The following FAF1 variants were observed in gnomAD, a reference collection of about 807,000 sequenced individuals.
The protein encoded by FAF1 is Fas associated factor 1.
A neutral mutation model predicts 92.5 loss-of-function variants in FAF1; 25 were observed. The observed-to-expected ratio is 0.27, with a 90% confidence interval of 0.20 to 0.38. FAF1 has a LOEUF of 0.38. FAF1 is among the 10% of genes least tolerant of loss of function. FAF1 has a pLI of 1.00. For synonymous variants in FAF1, 234 were observed against 273.2 expected (o/e 0.86, Z 1.42); for missense variants, 636 against 793.3 (o/e 0.80, Z 2.38).
chr1:50,635,531 T>C (rs531239772), intron 8 of FAF1, among the ~76,000 whole-genome samples: 23 of 152,228 alleles, frequency 1.5e-4, no homozygotes, highest in African/African-American at 5.5e-4. Context: ...GCTCCAGCAA[T>C]CCTCCCACCT....
intron 13 of FAF1, among the ~76,000 whole-genome samples, chr1:50,559,062 C>T (rs1649734789): frequency 6.6e-6 from 1 of 152,114 alleles, no homozygotes; most frequent in African/African-American, 2.4e-5. Flanking sequence ...ATCAGCCCGA[C>T]CTACAAGGTG....
intron 8 of FAF1, among the ~76,000 whole-genome samples, chr1:50,641,721 C>T (rs1460427057): frequency 6.6e-6 from 1 of 152,158 alleles, no homozygotes; most frequent in East Asian, 1.9e-4. Flanking sequence ...TTGGCCAAAT[C>T]TACATTCTTA....
intron 3 of FAF1, among the ~76,000 whole-genome samples, chr1:50,792,567 T>C (rs1391910667): frequency 2.6e-5 from 4 of 152,336 alleles, no homozygotes; most frequent in Non-Finnish European, 4.4e-5. Context: ...TGAACCTTCC[T>C]AGCATAATGC....
intron 6 of FAF1, among the ~76,000 whole-genome samples, chr1:50,707,702 GAAAGAAAAAAGA>G (rs554094291): frequency 0.012 from 1,773 of 149,762 alleles, 13 homozygotes; most frequent in Non-Finnish European, 0.017. Flanking sequence ...CCAAAAAAAA[GAAAGAAAAAAGA>G]AAAGAAAAAA....
chr1:50,537,167 A>C (rs1648528240), intron 14 of FAF1, among the ~76,000 whole-genome samples: 1 of 152,134 alleles, frequency 6.6e-6, no homozygotes, highest in Non-Finnish European at 1.5e-5. Context: ...TAAGACTCGG[A>C]GCATGGGAAA....
At chr1:50,854,066 A>G (rs1432334006) in intron 2 of FAF1, among the ~76,000 whole-genome samples, 1 of 152,008 alleles carries the variant, frequency 6.6e-6, no homozygotes, top group Admixed American at 6.6e-5. Flanking sequence ...ATAAATTACT[A>G]AGAGGTCTGA....
At chr1:50,805,573 C>A (rs2124598033) in intron 2 of FAF1, among the ~76,000 whole-genome samples, 1 of 152,224 alleles carries the variant, frequency 6.6e-6, no homozygotes, top group Non-Finnish European at 1.5e-5. Flanking sequence ...TGTAACATCA[C>A]ATATGAAAGG....
intron 1 of FAF1, among the ~76,000 whole-genome samples, chr1:50,918,172 TTC>T (rs1207144508): frequency 2.7e-5 from 4 of 150,224 alleles, no homozygotes; most frequent in African/African-American, 7.4e-5. Flanking sequence ...GAATGTAAAT[TTC>T]TTTTTTTTTT....
At chr1:50,798,028 T>C (rs1661827390) in intron 3 of FAF1, among the ~76,000 whole-genome samples, 12 of 151,866 alleles carry the variant, frequency 7.9e-5, no homozygotes, top group Admixed American at 7.9e-4. Flanking sequence ...ATTATTTCAA[T>C]TCTTTAAAGT....
chr1:50,490,846 A>T (rs1398190648), intron 16 of FAF1, among the ~76,000 whole-genome samples, 181 bp from the exon 17 acceptor site: 1 of 152,200 alleles, frequency 6.6e-6, no homozygotes, highest in African/African-American at 2.4e-5. Flanking sequence ...ACAAGAATGG[A>T]AATGAAAGCA....
intron 8 of FAF1, among the ~76,000 whole-genome samples, chr1:50,652,343 C>G (rs146453675): frequency 6.6e-6 from 1 of 152,258 alleles, no homozygotes; most frequent in East Asian, 1.9e-4. Context: ...AAAGACCATG[C>G]CAACTCAATT....
chr1:50,901,906 C>T (rs558940798), intron 1 of FAF1, among the ~76,000 whole-genome samples: 1 of 152,136 alleles, frequency 6.6e-6, no homozygotes, highest in Non-Finnish European at 1.5e-5. Flanking sequence ...AGTTAACAAT[C>T]ACATGGTTTA....
At chr1:50,691,238 T>C (rs1368959803) in intron 7 of FAF1, among the ~76,000 whole-genome samples, 1 of 152,130 alleles carries the variant, frequency 6.6e-6, no homozygotes, top group African/African-American at 2.4e-5. Flanking sequence ...ATACAACACT[T>C]GTCACTGTCA....
chr1:50,775,659 A>G (rs1660930404), intron 4 of FAF1, among the ~76,000 whole-genome samples: 1 of 152,132 alleles, frequency 6.6e-6, no homozygotes, highest in Non-Finnish European at 1.5e-5. Context: ...GCAACTATAT[A>G]GAAAAGATGG....
chr1:50,601,463 C>T (rs1652122609), intron 8 of FAF1, among the ~76,000 whole-genome samples: 1 of 152,182 alleles, frequency 6.6e-6, no homozygotes, highest in African/African-American at 2.4e-5. Flanking sequence ...GGGCAGATCA[C>T]TTGAGGCCAG....
chr1:50,601,635 T>C (rs183849630), intron 8 of FAF1, among the ~76,000 whole-genome samples: 3 of 152,110 alleles, frequency 2.0e-5, no homozygotes, highest in East Asian at 1.9e-4. Flanking sequence ...TGAGCTGAGA[T>C]TGAGCCGCTG....
At chr1:50,777,154 G>A (rs1377504792) in intron 4 of FAF1, among the ~76,000 whole-genome samples, 1 of 151,926 alleles carries the variant, frequency 6.6e-6, no homozygotes, top group Non-Finnish European at 1.5e-5. Flanking sequence ...GCTCACACCT[G>A]TAATCCCAGT....
intron 3 of FAF1, among the ~76,000 whole-genome samples, chr1:50,795,638 A>G (rs953996281): frequency 6.6e-6 from 1 of 152,178 alleles, no homozygotes; most frequent in Non-Finnish European, 1.5e-5. Context: ...CAGAAAACAC[A>G]TGTATGGGAA....
chr1:50,798,889 GT>G (rs916861802), intron 3 of FAF1, among the ~76,000 whole-genome samples: 1 of 151,926 alleles, frequency 6.6e-6, no homozygotes, highest in Non-Finnish European at 1.5e-5. Flanking sequence ...TTCTGTTCGT[GT>G]TTTTTTTAAG....
Sources: allele counts gnomAD v4.1 joint callset (sites outside exome capture counted in the v4.1 genomes callset), GRCh38; gene constraint gnomAD v4.1.1; transcripts MANE v1.5; gene names NCBI Gene and HGNC (gene_info 2026-07-23, HGNC 2026-07-21).